The following KCNN2 variants were observed in gnomAD, a reference collection of about 807,000 sequenced individuals.
The protein encoded by KCNN2 is small conductance calcium-activated potassium channel protein 2.
A neutral mutation model predicts 55.5 loss-of-function variants in KCNN2; 24 were observed. The observed-to-expected ratio is 0.43, with a 90% confidence interval of 0.31 to 0.61. The LOEUF (loss-of-function observed/expected upper bound fraction) is 0.61. Ranked by LOEUF, KCNN2 falls within the 20% of genes least tolerant of loss-of-function variation. The pLI is 0.08. For missense variants in KCNN2, 754 were observed against 853.6 expected (o/e 0.88, Z 1.45); for synonymous variants, 431 against 336.1 (o/e 1.28, Z -3.09).
At chr5:114,177,456 A>G (rs1015198693) in intron 1 of KCNN2, among the ~76,000 whole-genome samples, 2 of 151,956 alleles carry the variant, frequency 1.3e-5, no homozygotes, top group Non-Finnish European at 2.9e-5. Context: ...TTTTGTATGT[A>G]TGTCACACAT....
intron 1 of KCNN2, among the ~76,000 whole-genome samples, chr5:114,142,780 G>C (rs1752312717): frequency 6.6e-6 from 1 of 152,146 alleles, no homozygotes; most frequent in African/African-American, 2.4e-5. Context: ...CGTGAAAATG[G>C]CCATACTGCC....
intron 2 of KCNN2, among the ~76,000 whole-genome samples, chr5:114,245,441 T>G (rs1296068497): frequency 6.6e-6 from 1 of 152,226 alleles, no homozygotes; most frequent in African/African-American, 2.4e-5. Context: ...TTCAAGACTG[T>G]TGTTACTAAC....
rs1186992324 is a variant in KCNN2, at chr5:114,362,557, C to CGGCAGCAGTACGCGCAGCAGTCCG, written c.419_442dup (p.Ser147_Ala148insGlyGlnGlnTyrAlaGlnGlnSer). On this transcript the variant is annotated inframe_insertion, in exon 1 of 8. Coordinates refer to ENST00000673685, the MANE Select transcript of KCNN2 (RefSeq NM_021614.4). Reference sequence around the variant, plus strand: ...GCCGTCCAGCCATGCCAGTGCGCTCCGGCAGCAGTACGCGCAGCAGTCCGC... The same window carrying CGGCAGCAGTACGCGCAGCAGTCCG: ...GCCGTCCAGCCATGCCAGTGCGCTCCGGCAGCAGTACGCGCAGCAGTCCGGGCAGCAGTACGCGCAGCAGTCCGC... 5 of 614,362 alleles carry CGGCAGCAGTACGCGCAGCAGTCCG rather than the reference C, an allele frequency of 8.1e-6. No individual in the cohort carries two copies. Among genetic ancestry groups the CGGCAGCAGTACGCGCAGCAGTCCG allele is most frequent in the African/African-American group, 2.0e-5 (1 of 50,586 alleles). 38.1% of individuals were successfully genotyped at this position (614,362 alleles called of 1,614,324 possible). A position where few individuals can be genotyped will look rare whatever the true frequency, so the allele number is the denominator to read the frequency against.
Position 114,374,252 on chromosome 5 carries a change from G to A in KCNN2, c.1218+10251G>A, listed in dbSNP as rs1052006568. Among the ~76,000 whole-genome samples, 5 of 152,130 alleles carry A rather than the reference G, an allele frequency of 3.3e-5. No individual in the cohort carries two copies. In the South Asian group the frequency reaches 8.3e-4, roughly 25 times the overall value. On this transcript the variant is annotated intron_variant, in intron 2 of 7. Coordinates refer to ENST00000673685, the MANE Select transcript of KCNN2 (RefSeq NM_021614.4). ...CCCTGGTGACTTAAAAGAGTTAAGT[G>A]AAGCACTCCTAAAAGTAAGCAAGGG...
At chr5:114,343,811 T>A (rs1757059605) in intron 2 of KCNN2, among the ~76,000 whole-genome samples, 1 of 152,092 alleles carries the variant, frequency 6.6e-6, no homozygotes, top group Non-Finnish European at 1.5e-5. Context: ...ACCCATCTGC[T>A]TTTTGTATAA....
At chr5:114,345,659 A>G (rs1410517820) in intron 2 of KCNN2, among the ~76,000 whole-genome samples, 2 of 152,236 alleles carry the variant, frequency 1.3e-5, no homozygotes, top group African/African-American at 4.8e-5. Context: ...GCATTGTTAT[A>G]AAGAAATAAC....
rs536085189 is a variant in KCNN2 at position 114,226,267 on chromosome 5, G to A, written c.-185+4702G>A. On this transcript the variant is annotated intron_variant, in intron 2 of 10. Transcript: ENST00000512097. ...TTTTCAATATTGAATCACATTATAT[G>A]AGCATTTTTAGAATTGATAGATACT... is the stretch of plus-strand genomic sequence containing the variant. 1.1e-4 allele frequency among the ~76,000 whole-genome samples: 17 copies of A among 152,118 alleles called. No homozygotes were observed. The South Asian group carries it at 3.5e-3, about 32-fold the overall frequency.
chr5:114,113,273 G>A lies in KCNN2; in HGVS notation c.-271+56773G>A, dbSNP rs1751639414. ...TTCTTACTCAGAATGACTGTCAGCT[G>A]CCTAGGATCTTTCATGAAATAATGT... On this transcript the variant is annotated intron_variant, in intron 1 of 10. Coordinates refer to the KCNN2 transcript ENST00000512097. 3.3e-5 allele frequency among the ~76,000 whole-genome samples: 5 copies of A among 152,048 alleles called. No homozygotes were observed. In the South Asian group the frequency reaches 1.0e-3, roughly 32 times the overall value.
At chr5:114,127,662 GT>G in intron 1 of KCNN2, among the ~76,000 whole-genome samples, 1 of 152,274 alleles carries the variant, frequency 6.6e-6, no homozygotes, top group Admixed American at 6.5e-5. Flanking sequence ...TCAGCTCCTT[GT>G]TTTTTATGCA....
intron 2 of KCNN2, among the ~76,000 whole-genome samples, chr5:114,312,386 TACACACACACACACAC>T (rs70976336): frequency 0.01 from 538 of 51,374 alleles, 20 homozygotes; most frequent in East Asian, 0.087. Context: ...AAAAAGGAGA[TACACACACACACACAC>T]ACACACACAC....
intron 3 of KCNN2, among the ~76,000 whole-genome samples, chr5:114,430,100 G>T (rs1025153775): frequency 6.6e-6 from 1 of 151,888 alleles, no homozygotes; most frequent in African/African-American, 2.4e-5. Flanking sequence ...AATTATGTTG[G>T]TTATTCTGGC....
chr5:114,056,481 A>G, exon 1 of KCNN2: 1 of 398,456 alleles, frequency 2.5e-6, no homozygotes, highest in Non-Finnish European at 4.4e-6. Flanking sequence ...ATGGAGCGGG[A>G]CTCCTGGTTG....
chr5:114,473,379 A>C (rs1369781794), intron 5 of KCNN2: 1 of 557,822 alleles, frequency 1.8e-6, no homozygotes, highest in Non-Finnish European at 3.2e-6. Context: ...GTATTTGGAT[A>C]AAGACGAGTC....
intron 1 of KCNN2, among the ~76,000 whole-genome samples, chr5:114,193,304 G>T (rs1157542956): frequency 6.6e-6 from 1 of 151,984 alleles, no homozygotes; most frequent in African/African-American, 2.4e-5. Flanking sequence ...TTTATGTTGT[G>T]CTCTAACATG....
chr5:114,182,272 G>C lies in KCNN2; in HGVS notation c.-270-39208G>C, dbSNP rs73779736. On this transcript the variant is annotated intron_variant, in intron 1 of 10. Transcript: ENST00000512097. ...GATCTAGTTGTTGATCCTGCCTGCTGATATGTCTTTATTACTCTAGCTTTA... is the reference window on the plus strand; with the variant it reads ...GATCTAGTTGTTGATCCTGCCTGCTCATATGTCTTTATTACTCTAGCTTTA... Among the ~76,000 whole-genome samples the C allele has an allele frequency of 6.0e-3, 907 of 151,966 alleles. 12 individuals are homozygous for C. Among genetic ancestry groups the C allele is most frequent in the African/African-American group, 0.021 (851 of 41,438 alleles).
At chr5:114,444,084 A>T (rs937449715) in intron 3 of KCNN2, among the ~76,000 whole-genome samples, 9 of 152,184 alleles carry the variant, frequency 5.9e-5, no homozygotes, top group South Asian at 2.1e-4. Context: ...GTTACAATGG[A>T]CTAAGCCTCT....
rs900260598 is a variant in KCNN2, at chr5:114,204,150, A to G, written c.-270-17330A>G. On this transcript the variant is annotated intron_variant, in intron 1 of 10. Transcript: ENST00000512097. ...AGTGCTTTTGCATAAGGAACTAGAA[A>G]AAATAAAAGTGGTAAGGAAAATCAG... 3.9e-5 allele frequency among the ~76,000 whole-genome samples: 6 copies of G among 152,120 alleles called. No homozygotes were observed. In the South Asian group the frequency reaches 6.2e-4, roughly 16 times the overall value.
intron 1 of KCNN2, among the ~76,000 whole-genome samples, chr5:114,107,670 A>T (rs185357723): frequency 7.9e-5 from 12 of 152,098 alleles, no homozygotes; most frequent in Non-Finnish European, 1.5e-4. Flanking sequence ...TGTTGGCATT[A>T]TAGGCATGCA....
In KCNN2 at chr5:114,362,934, T is replaced by TGCAGCCGCTGCC. The variant is rs1554083372; in HGVS notation, c.797_798insAGCCGCTGCCGC (p.Ala267_Ala270dup). ...GCGCGTCCTCCCCGTCTGCAGCCGC[T>TGCAGCCGCTGCC]GCCGCCGCCGCCGCTGTTTCGTCCT... On this transcript the variant is annotated inframe_insertion, in exon 1 of 8. Coordinates refer to ENST00000673685, the MANE Select transcript of KCNN2 (RefSeq NM_021614.4). 1.3e-6 allele frequency: 2 copies of TGCAGCCGCTGCC among 1,560,874 alleles called. No individual in the cohort carries two copies.
Sources: gnomAD v4.1 joint callset for allele counts (sites outside exome capture counted in the v4.1 genomes callset) on GRCh38, gnomAD v4.1.1 for gene constraint, MANE v1.5 for transcripts, NCBI Gene and HGNC (gene_info 2026-07-23, HGNC 2026-07-21) for gene names.